FER: variants seen among roughly 807,000 people sequenced by gnomAD.
The protein encoded by FER is FER tyrosine kinase, also known as tyrosine-protein kinase Fer.
FER carries 63 observed loss-of-function variants against 111.0 expected under a neutral mutation model. That is an observed-to-expected ratio of 0.57 (90% confidence interval 0.46 to 0.70). FER has a LOEUF of 0.70. FER is among the 30% of genes least tolerant of loss of function. FER has a pLI of 0.00. For missense variants in FER, 914 were observed against 954.0 expected (o/e 0.96, Z 0.55); for synonymous variants, 327 against 313.9 (o/e 1.04, Z -0.44).
intron 5 of FER, among the ~76,000 whole-genome samples, chr5:108,845,067 T>TATATATATATATATATATATAC (rs1486282738): frequency 4.1e-4 from 22 of 53,854 alleles, no homozygotes; most frequent in Non-Finnish European, 6.3e-4. Context: ...TATATATATA[T>TATATATATATATATATATATAC]ACACACACAC....
At chr5:109,106,618 AC>A (rs751553822) in intron 17 of FER, among the ~76,000 whole-genome samples, 1 of 152,078 alleles carries the variant, frequency 6.6e-6, no homozygotes, top group Admixed American at 6.6e-5. Context: ...TCCTTCTTTA[AC>A]CCTTTTTTCC....
In FER at chr5:108,759,901, A is replaced by T. The variant is rs574862293; in HGVS notation, c.-205-8192A>T. On this transcript the variant is annotated intron_variant, in intron 1 of 19. Transcript: ENST00000281092. ...ATTATGGAGAGCACACATTCAAACT[A>T]TAGCAACTGGAAGAGGGAAAAAGGG... 2.6e-5 allele frequency among the ~76,000 whole-genome samples: 4 copies of T among 152,368 alleles called. No individual in the cohort carries two copies. The East Asian group carries it at 7.7e-4, about 29-fold the overall frequency.
intron 3 of FER, among the ~76,000 whole-genome samples, chr5:108,827,569 A>G (rs1298372847): frequency 6.6e-6 from 1 of 152,076 alleles, no homozygotes; most frequent in African/African-American, 2.4e-5. Flanking sequence ...GTAATTAAGT[A>G]AGCTCTTCTT....
intron 1 of FER, among the ~76,000 whole-genome samples, chr5:108,750,231 A>C (rs1750315098): frequency 6.6e-6 from 1 of 152,152 alleles, no homozygotes; most frequent in Admixed American, 6.5e-5. Flanking sequence ...AAAGATTAGA[A>C]AATACTTTTC....
At chr5:109,173,756 T>TCCC (rs143786447) in intron 17 of FER, among the ~76,000 whole-genome samples, 2 of 122,016 alleles carry the variant, frequency 1.6e-5, no homozygotes, top group African/African-American at 5.8e-5. Flanking sequence ...AATATGTACC[T>TCCC]CCCCCCCCCC....
intron 5 of FER, among the ~76,000 whole-genome samples, chr5:108,861,863 A>G (rs1293621208): frequency 1.3e-5 from 2 of 152,202 alleles, no homozygotes; most frequent in African/African-American, 4.8e-5. Flanking sequence ...CCTGTATAGC[A>G]CCCTAAACAT....
intron 16 of FER, among the ~76,000 whole-genome samples, chr5:109,050,756 G>A (rs893001809): frequency 7.9e-5 from 12 of 152,144 alleles, no homozygotes; most frequent in African/African-American, 2.7e-4. Context: ...AAAAAATATA[G>A]TAGCACAAGT....
At chr5:108,965,638 T>C (rs1002303519) in intron 13 of FER, among the ~76,000 whole-genome samples, 1 of 152,202 alleles carries the variant, frequency 6.6e-6, no homozygotes, top group Admixed American at 6.5e-5. Context: ...GTTTCAGAGT[T>C]GTTACCTGAA....
chr5:109,014,335 A>G (rs1766728395), intron 13 of FER, among the ~76,000 whole-genome samples: 1 of 152,250 alleles, frequency 6.6e-6, no homozygotes, highest in Non-Finnish European at 1.5e-5. Context: ...TTTATTAAAT[A>G]GGGAATCCTT....
intron 16 of FER, among the ~76,000 whole-genome samples, chr5:109,100,082 G>T (rs1015704007): frequency 6.6e-6 from 1 of 151,676 alleles, no homozygotes; most frequent in Non-Finnish European, 1.5e-5. Context: ...ATAGATTTTA[G>T]TGAAGCAAAT....
Position 108,872,081 on chromosome 5 carries a change from A to G in FER, c.804-12A>G, listed in dbSNP as rs1764654304. 6.2e-7 allele frequency: 1 copy of G among 1,607,868 alleles called. No individual in the cohort carries two copies. ...TTTACAATGATCAAAATTATTTGCC[A>G]TGCTTTACTAGAACAACGGCTGCTA... On this transcript the variant is annotated splice_polypyrimidine_tract_variant and intron_variant, in intron 7 of 19. Transcript: ENST00000281092.
chr5:109,115,220 G>A (rs1750081975), intron 17 of FER, among the ~76,000 whole-genome samples: 1 of 152,084 alleles, frequency 6.6e-6, no homozygotes, highest in African/African-American at 2.4e-5. Flanking sequence ...TAAGACCAGA[G>A]AGACCTGTTA....
In FER at chr5:108,946,302, ATG is replaced by A. The variant is rs111943459; in HGVS notation, c.1329+94_1329+95del. Reference sequence around the variant, plus strand: ...CTGATGCACTAATGAATATATATATATGTGTGTGTGTGTGTATATATATGTAT... The same window carrying A: ...CTGATGCACTAATGAATATATATATATGTGTGTGTGTGTATATATATGTAT... On this transcript the variant is annotated intron_variant, in intron 11 of 19. Coordinates refer to ENST00000281092, the MANE Select transcript of FER (RefSeq NM_005246.4). 1,134 of 855,334 alleles carry A rather than the reference ATG, an allele frequency of 1.3e-3. 1 individual carries two copies. The highest frequency in any genetic ancestry group is 2.4e-3 in the African/African-American group (145 of 59,352). 53.0% of individuals were successfully genotyped at this position (855,334 alleles called of 1,614,324 possible).
intron 8 of FER, among the ~76,000 whole-genome samples, chr5:108,881,422 C>A (rs541021662): frequency 1.3e-5 from 2 of 152,046 alleles, no homozygotes; most frequent in African/African-American, 4.8e-5. Context: ...GTGAAAAGAG[C>A]GTGAGAAAGA....
intron 17 of FER, among the ~76,000 whole-genome samples, chr5:109,131,662 A>G (rs1216074876): frequency 2.6e-5 from 4 of 152,162 alleles, no homozygotes; most frequent in South Asian, 2.1e-4. Context: ...TTTTCCCCAC[A>G]TAACTGATGT....
At chr5:109,075,992 A>G (rs886837292) in intron 16 of FER, among the ~76,000 whole-genome samples, 5 of 152,242 alleles carry the variant, frequency 3.3e-5, no homozygotes, top group African/African-American at 1.2e-4. Context: ...AAATGAAAAA[A>G]AAAATTAGAA....
chr5:109,139,346 CTTTCT>C (rs1311578776), intron 17 of FER, among the ~76,000 whole-genome samples: 1,383 of 87,042 alleles, frequency 0.016, 8 homozygotes, highest in Middle Eastern at 0.027. Context: ...CTCCTTCTTT[CTTTCT>C]TTTTTTTTTT....
At chr5:108,797,673 G>C (rs1490609895) in intron 2 of FER, among the ~76,000 whole-genome samples, 1 of 152,168 alleles carries the variant, frequency 6.6e-6, no homozygotes, top group African/African-American at 2.4e-5. Flanking sequence ...CTCTTTCAGC[G>C]ATAGGAAGTT....
chr5:108,997,591 G>T (rs1363931280), intron 13 of FER, among the ~76,000 whole-genome samples: 1 of 152,042 alleles, frequency 6.6e-6, no homozygotes, highest in African/African-American at 2.4e-5. Context: ...TTCAATAGGA[G>T]TGATGAGAGA....
Sources: gnomAD v4.1 joint callset for allele counts (sites outside exome capture counted in the v4.1 genomes callset) on GRCh38, gnomAD v4.1.1 for gene constraint, MANE v1.5 for transcripts, NCBI Gene and HGNC (gene_info 2026-07-23, HGNC 2026-07-21) for gene names.